NETO1: variants seen among roughly 807,000 people sequenced by gnomAD.
NETO1 encodes the protein neuropilin and tolloid like 1, also known as neuropilin and tolloid-like protein 1.
A neutral mutation model predicts 61.3 loss-of-function variants in NETO1; 26 were observed. The ratio of observed to expected loss-of-function variants is 0.42; its 90% CI spans 0.31 to 0.59. NETO1 has a LOEUF of 0.59. NETO1 is among the 20% of genes least tolerant of loss of function. The pLI is 0.12. For synonymous variants in NETO1, 225 were observed against 225.8 expected, an observed-to-expected ratio of 1.00 and a Z score of 0.03; for missense variants, 531 against 662.8, an observed-to-expected ratio of 0.80 and a Z score of 2.18.
chr18:72,832,516 C>G (rs2073615008), intron 4 of NETO1, among the ~76,000 whole-genome samples: 1 of 152,142 alleles, frequency 6.6e-6, no homozygotes, highest in Admixed American at 6.6e-5. Context: ...GCCAAGTAGT[C>G]CTCTTTAGAT....
intron 7 of NETO1, among the ~76,000 whole-genome samples, chr18:72,781,056 A>T (rs1022475671): frequency 1.3e-5 from 2 of 152,180 alleles, no homozygotes; most frequent in African/African-American, 2.4e-5. Context: ...ATGAAATAAG[A>T]CCACAGGACC....
At position 72,750,849 on chromosome 18, in the gene NETO1, T is replaced by A. The variant is rs906278645; in HGVS notation, c.983-229A>T. On this transcript the variant is annotated intron_variant, in intron 8 of 10. Transcript: ENST00000327305. ...CCTTAAAAATAGCCCTCCCTCCCCATTGCCCAGCATCTCAGCTTAAAATAC... is the reference window on the plus strand; with the variant it reads ...CCTTAAAAATAGCCCTCCCTCCCCAATGCCCAGCATCTCAGCTTAAAATAC... 7.6e-4 allele frequency among the ~76,000 whole-genome samples: 105 copies of A among 138,106 alleles called. 1 individual carries two copies. Among genetic ancestry groups the A allele is most frequent in the African/African-American group, 2.7e-3 (100 of 37,316 alleles). 90.6% of individuals were successfully genotyped at this position (138,106 alleles called of 152,430 possible). A position where few individuals can be genotyped will look rare whatever the true frequency, so the allele number is the denominator to read the frequency against.
intron 4 of NETO1, among the ~76,000 whole-genome samples, chr18:72,795,549 T>C (rs953374825): frequency 6.6e-6 from 1 of 152,322 alleles, no homozygotes; most frequent in East Asian, 1.9e-4. Context: ...GAGTAACTTA[T>C]TCTCCATAAG....
intron 7 of NETO1, among the ~76,000 whole-genome samples, chr18:72,773,562 G>C (rs1053660273): frequency 6.6e-6 from 1 of 152,124 alleles, no homozygotes; most frequent in Non-Finnish European, 1.5e-5. Context: ...AACAGGTGGA[G>C]GTAAATGAAT....
intron 4 of NETO1, among the ~76,000 whole-genome samples, chr18:72,807,748 ACACACACC>A (rs2072724297): frequency 4.4e-5 from 1 of 22,986 alleles, no homozygotes. Context: ...ACACACACAC[ACACACACC>A]CATACTGTCC....
chr18:72,816,472 GGAA>G (rs2073036842), intron 4 of NETO1, among the ~76,000 whole-genome samples: 1 of 152,160 alleles, frequency 6.6e-6, no homozygotes, highest in African/African-American at 2.4e-5. Context: ...CCTACAGTCA[GGAA>G]GAAGGCTGGG....
At chr18:72,865,273 T>C (rs1226917610) in intron 1 of NETO1, 32 bp from the exon 2 acceptor site, 3 of 1,478,910 alleles carry the variant, frequency 2.0e-6, no homozygotes, top group African/African-American at 2.8e-5. Context: ...AGAGATAAAA[T>C]ACACTGAAAT....
intron 4 of NETO1, among the ~76,000 whole-genome samples, chr18:72,852,831 TTC>T: frequency 8.9e-6 from 1 of 112,176 alleles, no homozygotes; most frequent in East Asian, 2.6e-4. Context: ...AATTTTCTTT[TTC>T]TTTTTTTTTT....
At position 72,830,944 on chromosome 18, in the gene NETO1, C is replaced by A. The variant is rs1046017145; in HGVS notation, c.469+27882G>T. On this transcript the variant is annotated intron_variant, in intron 4 of 10. Transcript: ENST00000327305. The surrounding 1 kb of genome is among the most constrained non-coding windows in gnomAD (Gnocchi z 4.9). ...GTACTTGATAGGGTTGTCAATTATG[C>A]CTTCTGACTGCAAAATCTTCTTGAT... Among the ~76,000 whole-genome samples, 1 of 152,232 alleles carries A rather than the reference C, an allele frequency of 6.6e-6. No individual in the cohort carries two copies. The highest frequency in any genetic ancestry group is 1.9e-4 in the East Asian group (1 of 5,170).
intron 6 of NETO1, among the ~76,000 whole-genome samples, chr18:72,790,953 T>C (rs2072094902): frequency 6.6e-6 from 1 of 152,102 alleles, no homozygotes; most frequent in African/African-American, 2.4e-5. Flanking sequence ...TGGTGGCTGT[T>C]TTCCAGACCA....
At chr18:72,766,013 C>A (rs1288683905) in intron 7 of NETO1, among the ~76,000 whole-genome samples, 3 of 152,058 alleles carry the variant, frequency 2.0e-5, no homozygotes, top group Non-Finnish European at 4.4e-5. Flanking sequence ...TCAAGACCAG[C>A]TCGGTCAACA....
At chr18:72,828,880 A>G (rs1405211114) in intron 4 of NETO1, among the ~76,000 whole-genome samples, 1 of 152,218 alleles carries the variant, frequency 6.6e-6, no homozygotes, top group East Asian at 1.9e-4. Flanking sequence ...TCAGTTGGCA[A>G]AATTATTTCT....
At chr18:72,805,255 T>C (rs1467103768) in intron 4 of NETO1, among the ~76,000 whole-genome samples, 1 of 152,132 alleles carries the variant, frequency 6.6e-6, no homozygotes, top group Non-Finnish European at 1.5e-5. Flanking sequence ...TTTTAAGCAC[T>C]CCACTATAAT....
intron 4 of NETO1, among the ~76,000 whole-genome samples, chr18:72,842,096 T>A (rs544512050): frequency 6.8e-4 from 103 of 152,336 alleles, no homozygotes; most frequent in Non-Finnish European, 1.3e-3. Context: ...AACTTTTCTG[T>A]AAGTTTAATA....
chr18:72,811,391 C>T (rs1261909721), intron 4 of NETO1, among the ~76,000 whole-genome samples: 2 of 152,236 alleles, frequency 1.3e-5, no homozygotes, highest in Admixed American at 1.3e-4. Context: ...AAAAGAAACT[C>T]CCATCAGCTA....
chr18:72,772,825 C>CTCTCTA (rs1568187563), intron 7 of NETO1, among the ~76,000 whole-genome samples: 8 of 40,832 alleles, frequency 2.0e-4, no homozygotes, highest in Admixed American at 2.6e-4. Flanking sequence ...CTCTCTCTCT[C>CTCTCTA]TATATATATA....
downstream of NETO1, chr18:72,742,531 G>A (rs926849682): frequency 4.6e-5 from 7 of 152,186 alleles, no homozygotes; most frequent in African/African-American, 1.7e-4. Context: ...GTAAGGTGGA[G>A]AGAAGGTGTT....
At chr18:72,783,934 A>G in intron 6 of NETO1, 28 bp from the exon 7 acceptor site, 1 of 1,512,992 alleles carries the variant, frequency 6.6e-7, no homozygotes, top group Non-Finnish European at 9.2e-7. Context: ...AATAATTTCC[A>G]CATATCAAAA....
intron 4 of NETO1, among the ~76,000 whole-genome samples, chr18:72,825,233 A>G (rs2073338234): frequency 6.6e-6 from 1 of 152,214 alleles, no homozygotes; most frequent in Non-Finnish European, 1.5e-5. Context: ...GGGGCTTTCC[A>G]CATCACCTGA....
Sources: gnomAD v4.1 joint callset for allele counts (sites outside exome capture counted in the v4.1 genomes callset) on GRCh38, gnomAD v4.1.1 for gene constraint, Gnocchi (gnomAD v3.1) non-coding constraint, MANE v1.5 for transcripts, NCBI Gene and HGNC (gene_info 2026-07-23, HGNC 2026-07-21) for gene names.